The following CPS1 variants were observed in gnomAD, a reference collection of about 807,000 sequenced individuals.
CPS1 encodes the protein carbamoyl-phosphate synthase 1, also known as carbamoyl-phosphate synthase [ammonia], mitochondrial.
Under a neutral mutation model 174.6 loss-of-function variants are expected in CPS1, and 109 were observed. The ratio of observed to expected loss-of-function variants is 0.62; its 90% CI spans 0.53 to 0.73. The LOEUF (loss-of-function observed/expected upper bound fraction) is 0.73. Ranked by LOEUF, CPS1 falls within the 30% of genes least tolerant of loss-of-function variation. The pLI is 0.00. For missense variants in CPS1, 1,689 were observed against 1,821.9 expected, an observed-to-expected ratio of 0.93 and a Z score of 1.33; for synonymous variants, 637 against 632.0, an observed-to-expected ratio of 1.01 and a Z score of -0.12.
chr2:210,547,567 A>G (rs73984634), intron 1 of CPS1, among the ~76,000 whole-genome samples: 3,850 of 152,186 alleles, frequency 0.025, 162 homozygotes, highest in African/African-American at 0.088. Flanking sequence ...CTCTTGGTAC[A>G]GTACTCACAG....
chr2:210,639,089 T>C, intron 22 of CPS1, 61 bp from the exon 23 acceptor site: 1 of 1,372,474 alleles, frequency 7.3e-7, no homozygotes, highest in Non-Finnish European at 1.0e-6. Context: ...ACAAAAAATT[T>C]AGTCTTGAAA....
chr2:210,643,347 A>T (rs1279132931), intron 25 of CPS1, among the ~76,000 whole-genome samples: 1 of 152,178 alleles, frequency 6.6e-6, no homozygotes, highest in Non-Finnish European at 1.5e-5. Flanking sequence ...CTACTGGAAA[A>T]TTTTAGTGAT....
At chr2:210,648,580 A>T in intron 27 of CPS1, 40 bp downstream of exon 27, 1 of 1,516,848 alleles carries the variant, frequency 6.6e-7, no homozygotes, top group Non-Finnish European at 9.2e-7. Context: ...TGATTCAAAA[A>T]TTGGGAGATA....
Position 210,502,625 on chromosome 2 carries a change from G to A in CPS1, c.3+24859G>A, listed in dbSNP as rs372947076. Among the ~76,000 whole-genome samples the A allele has an allele frequency of 2.6e-3, 402 of 151,952 alleles. 3 individuals carry two copies. Among genetic ancestry groups the A allele is most frequent in the South Asian group, 9.8e-3 (47 of 4,812 alleles). On this transcript the variant is annotated intron_variant, in intron 1 of 38. Coordinates refer to the CPS1 transcript ENST00000430249. ...AATTTTGGAGTGGATTTCAGGACAG[G>A]AGAGAGAAAAAAGCAAAGAGCAAAA...
At chr2:210,618,145 T>C (rs971207174) in intron 21 of CPS1, 1 of 152,040 alleles carries the variant, frequency 6.6e-6, no homozygotes, top group Non-Finnish European at 1.5e-5. Context: ...AAAAGGTCCT[T>C]GGAGGATTAA....
intron 19 of CPS1, among the ~76,000 whole-genome samples, chr2:210,611,911 A>G (rs1445980338): frequency 6.6e-6 from 1 of 151,716 alleles, no homozygotes; most frequent in Admixed American, 6.6e-5. Flanking sequence ...GACTGACCTA[A>G]TGAAGATGCA....
intron 33 of CPS1, among the ~76,000 whole-genome samples, chr2:210,667,853 G>T (rs1189788128): frequency 2.0e-5 from 3 of 152,152 alleles, no homozygotes; most frequent in Admixed American, 6.6e-5. Context: ...GCTGTGATTT[G>T]TATCCAAATA....
chr2:210,567,189 T>G (rs1697331665), intron 1 of CPS1, among the ~76,000 whole-genome samples: 1 of 152,140 alleles, frequency 6.6e-6, no homozygotes, highest in South Asian at 2.1e-4. Flanking sequence ...TACAGCTTTT[T>G]TAAGGGAGGT....
In CPS1 at chr2:210,609,596, C is replaced by T. The variant is rs115092932; in HGVS notation, c.2391+1037C>T. Among the ~76,000 whole-genome samples, 823 of 152,036 alleles carry T rather than the reference C, an allele frequency of 5.4e-3. 6 individuals carry two copies. The highest frequency in any genetic ancestry group is 0.019 in the African/African-American group (790 of 41,518). ...TGAGTGCTGAAGTATGAACAAATCT[C>T]AGTCTTTCTCTATCATTTGTCTATC... is the stretch of plus-strand genomic sequence containing the variant. On this transcript the variant is annotated intron_variant, in intron 19 of 37. Coordinates refer to ENST00000233072, the MANE Select transcript of CPS1 (RefSeq NM_001875.5).
chr2:210,563,018 A>G, intron 1 of CPS1, among the ~76,000 whole-genome samples: 1 of 152,174 alleles, frequency 6.6e-6, no homozygotes, highest in East Asian at 1.9e-4. Context: ...TGCTGAAGTT[A>G]AAACAAGGAC....
chr2:210,585,342 T>C (rs1371373852), intron 6 of CPS1, among the ~76,000 whole-genome samples: 1 of 152,040 alleles, frequency 6.6e-6, no homozygotes, highest in Non-Finnish European at 1.5e-5. Context: ...TTCTATGACC[T>C]CCATTATTAA....
intron 21 of CPS1, among the ~76,000 whole-genome samples, chr2:210,627,842 T>A (rs1204436549): frequency 6.6e-6 from 1 of 152,188 alleles, no homozygotes; most frequent in Non-Finnish European, 1.5e-5. Flanking sequence ...CTGCTTCTTC[T>A]CTTCTTTCTC....
In CPS1 at chr2:210,612,104, ACATGTATTACAGGT is replaced by A. The variant is rs1169022372; in HGVS notation, c.2392-8_2397del. Reference sequence around the variant, plus strand: ...TCTTTCTTTCAATATGAGGTCTTAAACATGTATTACAGGTCATGGCTATTGGTCGTACCTTTGAG... The same window carrying A: ...TCTTTCTTTCAATATGAGGTCTTAAACATGGCTATTGGTCGTACCTTTGAG... On this transcript the variant is annotated splice_acceptor_variant and splice_polypyrimidine_tract_variant and coding_sequence_variant and intron_variant, in exon 20 of 38. Coordinates refer to ENST00000233072, the MANE Select transcript of CPS1 (RefSeq NM_001875.5). LOFTEE classifies it high-confidence loss of function. 6.2e-7 allele frequency: 1 copy of A among 1,611,012 alleles called. No individual in the cohort carries two copies. The highest frequency in any genetic ancestry group is 8.5e-7 in the Non-Finnish European group (1 of 1,177,868).
At chr2:210,502,607 G>T (rs1217256628) in intron 1 of CPS1, among the ~76,000 whole-genome samples, 2 of 151,482 alleles carry the variant, frequency 1.3e-5, no homozygotes, top group Non-Finnish European at 2.9e-5. Context: ...AACAATTTTG[G>T]AGTGGATTTC....
Position 210,678,107 on chromosome 2 carries a change from T to C in CPS1, c.*122T>C. On this transcript the variant is annotated 3_prime_UTR_variant, in exon 38 of 38. Transcript: ENST00000233072. ...CTAAACTTCATTTCAGTTTACTTTG[T>C]TATGCCTTAATATTCTGTGTCTTTT... The C allele has an allele frequency of 1.2e-6, 1 of 825,752 alleles. No homozygotes were observed. The highest frequency in any genetic ancestry group is 2.1e-6 in the Non-Finnish European group (1 of 465,460). 51.2% of individuals were successfully genotyped at this position (825,752 alleles called of 1,614,324 possible).
chr2:210,665,619 T>G (rs534908875), intron 33 of CPS1, among the ~76,000 whole-genome samples: 13 of 152,138 alleles, frequency 8.5e-5, no homozygotes, highest in Admixed American at 3.3e-4. Context: ...AATGACGATT[T>G]CCAATATCAT....
rs1326334493 is a variant in CPS1 at position 210,648,031 on chromosome 2, G to A, written c.3310G>A (p.Ala1104Thr). Reference protein sequence around the residue: ...AVLDELKVAQAPWKAVNTLNE... With the variant: ...AVLDELKVAQTPWKAVNTLNE... The stretch of plus-strand genomic sequence containing the variant: ...CTTGGATGAGCTGAAGGTGGCTCAG[G>A]CACCTTGGAAAGCTGTTAATACTTT... The change falls in exon 26 of 38, where the codon GCA becomes ACA. Residue 1104 changes from alanine to threonine, a missense_variant. Ala to Thr is a moderately conservative substitution (Grantham distance 58). Coordinates refer to ENST00000233072, the MANE Select transcript of CPS1 (RefSeq NM_001875.5). The A allele has an allele frequency of 3.1e-6, 5 of 1,613,850 alleles. No homozygotes were observed. The highest frequency in any genetic ancestry group is 4.2e-6 in the Non-Finnish European group (5 of 1,179,914).
intron 5 of CPS1, among the ~76,000 whole-genome samples, chr2:210,580,869 A>AT: frequency 6.6e-6 from 1 of 152,018 alleles, no homozygotes; most frequent in South Asian, 2.1e-4. Context: ...AAAAAAAAAA[A>AT]AAAAAAGTAC....
intron 1 of CPS1, among the ~76,000 whole-genome samples, chr2:210,515,556 T>C (rs376443165): frequency 2.6e-5 from 4 of 151,912 alleles, no homozygotes; most frequent in East Asian, 3.9e-4. Flanking sequence ...AATGTCACTT[T>C]TGTTGTTTCT....
Sources: gnomAD v4.1 joint callset for allele counts (sites outside exome capture counted in the v4.1 genomes callset) on GRCh38, gnomAD v4.1.1 for gene constraint, MANE v1.5 for transcripts, NCBI Gene and HGNC (gene_info 2026-07-23, HGNC 2026-07-21) for gene names.